ETV1: variants seen among roughly 807,000 people sequenced by gnomAD.
The protein encoded by ETV1 is ETS variant transcription factor 1.
In ETV1, 27 loss-of-function variants were observed where a neutral mutation model predicts 62.3. The ratio of observed to expected loss-of-function variants is 0.43; its 90% CI spans 0.32 to 0.60. The LOEUF is 0.60. ETV1 is among the 20% of genes least tolerant of loss of function. The pLI is 0.06. For missense variants in ETV1, 605 were observed against 605.8 expected, an observed-to-expected ratio of 1.00 and a Z score of 0.01; for synonymous variants, 222 against 199.6, an observed-to-expected ratio of 1.11 and a Z score of -0.94.
At chr7:13,962,683 C>T (rs1244388728) in intron 6 of ETV1, among the ~76,000 whole-genome samples, 1 of 151,982 alleles carries the variant, frequency 6.6e-6, no homozygotes, top group Non-Finnish European at 1.5e-5. Flanking sequence ...TAGAACTTAA[C>T]CACATTTCTA....
At chr7:13,918,625 C>CA (rs1314744080) in intron 9 of ETV1, among the ~76,000 whole-genome samples, 1 of 149,722 alleles carries the variant, frequency 6.7e-6, no homozygotes, top group Non-Finnish European at 1.5e-5. Flanking sequence ...TAAACAAGAA[C>CA]AAAAAACCAA....
At chr7:13,952,440 A>C (rs1788936952) in intron 6 of ETV1, among the ~76,000 whole-genome samples, 1 of 152,198 alleles carries the variant, frequency 6.6e-6, no homozygotes. Flanking sequence ...AGCCTCAATA[A>C]TAACTGAGGG....
At chr7:13,969,498 G>C (rs1780652436) in intron 6 of ETV1, among the ~76,000 whole-genome samples, 1 of 152,116 alleles carries the variant, frequency 6.6e-6, no homozygotes, top group South Asian at 2.1e-4. Flanking sequence ...TGATACTGCT[G>C]TCTTTATTTT....
Position 13,894,964 on chromosome 7 carries a change from G to A in ETV1, c.*902C>T, listed in dbSNP as rs1781638320. 1 of 232,718 alleles carries A rather than the reference G, an allele frequency of 4.3e-6. No individual in the cohort carries two copies. Among genetic ancestry groups the A allele is most frequent in the Non-Finnish European group, 8.5e-6 (1 of 117,604 alleles). 14.4% of individuals were successfully genotyped at this position (232,718 alleles called of 1,614,324 possible). On this transcript the variant is annotated 3_prime_UTR_variant, in exon 14 of 14. Coordinates refer to ENST00000430479, the MANE Select transcript of ETV1 (RefSeq NM_004956.5). ...AGTTAATTCTTATTGATTAAATAAT[G>A]TATTTATGTACTGAAGAAAGTGAAA...
chr7:13,940,885 A>G (rs1583718097), intron 6 of ETV1, among the ~76,000 whole-genome samples: 1 of 152,228 alleles, frequency 6.6e-6, no homozygotes, highest in East Asian at 1.9e-4. Flanking sequence ...AGCAATCAAG[A>G]GTCATCTGAA....
In ETV1 at chr7:13,954,015, C is replaced by T. The variant is rs181006404; in HGVS notation, c.236-14769G>A. Among the ~76,000 whole-genome samples the T allele has an allele frequency of 2.9e-3, 440 of 152,192 alleles. 1 individual carries two copies. Among genetic ancestry groups the T allele is most frequent in the Non-Finnish European group, 5.1e-3 (347 of 68,006 alleles). The stretch of plus-strand genomic sequence containing the variant: ...TTTTACATTAGTTATTTTATCAATG[C>T]GCCATAGTAACATACAAAACAAAAT... On this transcript the variant is annotated intron_variant, in intron 6 of 13. Coordinates refer to ENST00000430479, the MANE Select transcript of ETV1 (RefSeq NM_004956.5).
intron 6 of ETV1, among the ~76,000 whole-genome samples, chr7:13,948,388 T>C (rs1350292964): frequency 1.3e-5 from 2 of 152,336 alleles, no homozygotes; most frequent in African/African-American, 2.4e-5. Flanking sequence ...TTTTAATTCT[T>C]CTCTAAACAG....
chr7:13,988,819 C>G lies in ETV1; in HGVS notation c.45+189G>C, dbSNP rs1782806074. The G allele has an allele frequency of 1.9e-6, 3 of 1,602,918 alleles. No individual in the cohort carries two copies. In the South Asian group the frequency reaches 3.4e-5, roughly 18 times the overall value. ...TCTTAAAAACAAAACTATGCCTTATCCAAATCACTGAAAGGTAAGCTCATT... is the reference window on the plus strand; with the variant it reads ...TCTTAAAAACAAAACTATGCCTTATGCAAATCACTGAAAGGTAAGCTCATT... On this transcript the variant is annotated intron_variant, in intron 3 of 13. Transcript: ENST00000430479.
In ETV1 at chr7:13,895,955, G is replaced by T; in HGVS notation, c.1345C>A (p.Pro449Thr). Reference sequence around the variant, plus strand: ...ATGCTCTCATCAAAGTGAGAAAGAGGCACTGTGTCCTCCTCGTTGATGTGA... The same window carrying T: ...ATGCTCTCATCAAAGTGAGAAAGAGTCACTGTGTCCTCCTCGTTGATGTGA... ...ERHINEEDTV[P>T]LSHFDESMAY... The change falls in exon 14 of 14, where the codon CCT becomes ACT. Residue 449 changes from proline to threonine, a missense_variant. Transcript: ENST00000430479. The T allele has an allele frequency of 6.2e-7, 1 of 1,613,672 alleles. No homozygotes were observed. Among genetic ancestry groups the T allele is most frequent in the Non-Finnish European group, 8.5e-7 (1 of 1,179,780 alleles).
rs1473244583 is a variant in ETV1, at chr7:13,894,986, GA to G, written c.*879del. On this transcript the variant is annotated 3_prime_UTR_variant, in exon 14 of 14. Transcript: ENST00000430479. ...AATGTATTTATGTACTGAAGAAAGT[GA>G]AAAGGAGACAGATATTTTTTGCTTC... 1 of 232,962 alleles carries G rather than the reference GA, an allele frequency of 4.3e-6. No individual in the cohort carries two copies. The highest frequency in any genetic ancestry group is 8.5e-6 in the Non-Finnish European group (1 of 117,732). 14.4% of individuals were successfully genotyped at this position (232,962 alleles called of 1,614,324 possible). A position where few individuals can be genotyped will look rare whatever the true frequency, so the allele number is the denominator to read the frequency against.
chr7:13,963,935 A>C (rs137858643), intron 6 of ETV1, among the ~76,000 whole-genome samples: 55 of 152,342 alleles, frequency 3.6e-4, no homozygotes, highest in Middle Eastern at 6.8e-3. Context: ...TAAAACTATG[A>C]ATGAAAATAG....
chr7:13,985,990 G>C, intron 5 of ETV1: 1 of 748,696 alleles, frequency 1.3e-6, no homozygotes, highest in Non-Finnish European at 2.2e-6. Context: ...TAATAAAACT[G>C]ACAAAATAGC....
rs570486447 is a variant in ETV1, at chr7:13,931,787, A to C, written c.555-38T>G. The C allele has an allele frequency of 7.7e-5, 123 of 1,603,794 alleles. No individual in the cohort carries two copies. In the East Asian group the frequency reaches 2.5e-3, roughly 32 times the overall value. ...AGAGTGTGTTTCAGATGAAACGGTAACATGGAACATTCTTTAAAATACGGA... is the reference window on the plus strand; with the variant it reads ...AGAGTGTGTTTCAGATGAAACGGTACCATGGAACATTCTTTAAAATACGGA... On this transcript the variant is annotated intron_variant, in intron 8 of 13. Transcript: ENST00000430479.
chr7:13,936,487 T>C (rs1037243591), intron 7 of ETV1, among the ~76,000 whole-genome samples: 1 of 152,200 alleles, frequency 6.6e-6, no homozygotes, highest in Non-Finnish European at 1.5e-5. Context: ...TTAAAATGTC[T>C]GATATATTTA....
At chr7:13,951,517 G>T (rs1015772306) in intron 6 of ETV1, among the ~76,000 whole-genome samples, 1 of 152,128 alleles carries the variant, frequency 6.6e-6, no homozygotes, top group Non-Finnish European at 1.5e-5. Flanking sequence ...AGTCCTTAAT[G>T]ATGTTAATTG....
At chr7:13,941,894 TAAATAAATAAATA>T (rs1417217706) in intron 6 of ETV1, among the ~76,000 whole-genome samples, 9 of 113,408 alleles carry the variant, frequency 7.9e-5, no homozygotes, top group Non-Finnish European at 1.8e-4. Flanking sequence ...AATAAATAAA[TAAATAAATAAATA>T]AAGTAAGAAA....
Position 13,944,252 on chromosome 7 carries a change from T to C in ETV1, c.236-5006A>G, listed in dbSNP as rs1289685779. 5.9e-5 allele frequency among the ~76,000 whole-genome samples: 9 copies of C among 152,284 alleles called. No individual in the cohort carries two copies. In the East Asian group the frequency reaches 9.7e-4, roughly 16 times the overall value. On this transcript the variant is annotated intron_variant, in intron 6 of 13. Transcript: ENST00000430479. Reference sequence around the variant, plus strand: ...GCTGTAACAAAAATACCATAGACCGTATGGTTTATAAACAACAGGTATTTA... The same window carrying C: ...GCTGTAACAAAAATACCATAGACCGCATGGTTTATAAACAACAGGTATTTA...
At chr7:13,925,011 T>A (rs1353881668) in intron 9 of ETV1, among the ~76,000 whole-genome samples, 1 of 152,190 alleles carries the variant, frequency 6.6e-6, no homozygotes, top group African/African-American at 2.4e-5. Flanking sequence ...AATTTAAAAA[T>A]GCAAAAACCG....
At chr7:13,963,181 G>A (rs62454614) in intron 6 of ETV1, among the ~76,000 whole-genome samples, 3,585 of 152,118 alleles carry the variant, frequency 0.024, 44 homozygotes, top group Middle Eastern at 0.041. Flanking sequence ...CTAAAATGCT[G>A]AACAAATATA....
Sources: allele counts gnomAD v4.1 joint callset (sites outside exome capture counted in the v4.1 genomes callset), GRCh38; gene constraint gnomAD v4.1.1; transcripts MANE v1.5; gene names NCBI Gene and HGNC (gene_info 2026-07-23, HGNC 2026-07-21).